Variants in PCDHA2 observed in about 807,000 individuals in gnomAD.
PCDHA2 encodes the protein protocadherin alpha-2.
PCDHA2 carries 58 observed loss-of-function variants against 66.0 expected under a neutral mutation model. That is an observed-to-expected ratio of 0.88 (90% CI 0.71 to 1.09). The LOEUF is 1.09. PCDHA2 is among the 50% of genes least tolerant of loss of function. PCDHA2 has a pLI of 0.00. For synonymous variants in PCDHA2, 634 were observed against 554.0 expected (o/e 1.14, Z -2.03); for missense variants, 1,267 against 1,242.3 (o/e 1.02, Z -0.30).
At position 140,850,017 on chromosome 5, in the gene PCDHA2, G is replaced by A. The variant is rs149779533; in HGVS notation, c.2388+52665G>A. On this transcript the variant is annotated intron_variant, in intron 1 of 3. Transcript: ENST00000526136. ...GGGCGAGCGCTCGCTGTCGAGCTAC[G>A]TGTCAGTGCACGCGGAGAGCGGCAA... is the stretch of plus-strand genomic sequence containing the variant. 9,030 of 1,596,972 alleles carry A rather than the reference G, an allele frequency of 5.7e-3. 796 individuals are homozygous for A. Among genetic ancestry groups the A allele is most frequent in the South Asian group, 0.03 (2,755 of 90,494 alleles).
At chr5:140,862,828 G>A in intron 1 of PCDHA2, 1 of 572,818 alleles carries the variant, frequency 1.7e-6, no homozygotes, top group Non-Finnish European at 3.3e-6. Context: ...GAGAGCGCGC[G>A]ACGCGGGCAT....
At position 140,982,568 on chromosome 5, in the gene PCDHA2, A is replaced by G. The variant is rs1158399397; in HGVS notation, c.2536+5A>G. 6.2e-7 allele frequency: 1 copy of G among 1,613,890 alleles called. No individual in the cohort carries two copies. The highest frequency in any genetic ancestry group is 8.5e-7 in the Non-Finnish European group (1 of 1,179,906). On this transcript the variant is annotated splice_donor_5th_base_variant and intron_variant, in intron 3 of 3. Coordinates refer to ENST00000526136, the MANE Select transcript of PCDHA2 (RefSeq NM_018905.3). ...CAGTATCCAGTGCAACACCAGGTAA[A>G]GAGCTGGGGTCTCTCCATTCTTTCT...
intron 1 of PCDHA2, chr5:140,884,142 G>A (rs782033390): frequency 5.6e-6 from 9 of 1,613,298 alleles, no homozygotes; most frequent in African/African-American, 1.3e-5. Flanking sequence ...TTCCGCGTGG[G>A]GCTGTACACT....
chr5:140,947,948 T>C (rs2094196051), intron 1 of PCDHA2, among the ~76,000 whole-genome samples: 1 of 151,586 alleles, frequency 6.6e-6, no homozygotes, highest in South Asian at 2.1e-4. Context: ...AAGTGTTCCA[T>C]ATTTTACAAT....
At chr5:140,928,475 G>A (rs369473809) in intron 1 of PCDHA2, 1 of 1,614,136 alleles carries the variant, frequency 6.2e-7, no homozygotes, top group African/African-American at 1.3e-5. Context: ...GTAGAAGGCC[G>A]GGATGGTGGC....
chr5:140,842,130 A>C (rs2150330073), intron 1 of PCDHA2: 1 of 1,613,892 alleles, frequency 6.2e-7, no homozygotes, highest in Non-Finnish European at 8.5e-7. Flanking sequence ...TCTGATCCGG[A>C]TGAAGGAGCC....
At chr5:140,841,979 C>A (rs1316425759) in intron 1 of PCDHA2, 1 of 1,613,850 alleles carries the variant, frequency 6.2e-7, no homozygotes, top group East Asian at 2.2e-5. Context: ...TGGGGGCAAA[C>A]CTGAGCTCAC....
At chr5:140,858,899 C>T (rs1236968449) in intron 1 of PCDHA2, 4 of 203,942 alleles carry the variant, frequency 2.0e-5, no homozygotes, top group Non-Finnish European at 3.0e-5. Flanking sequence ...ATATGTGTAG[C>T]GTACCACAGC....
chr5:141,008,329 T>C (rs2098370202), intron 3 of PCDHA2, among the ~76,000 whole-genome samples: 1 of 152,192 alleles, frequency 6.6e-6, no homozygotes, highest in Non-Finnish European at 1.5e-5. Context: ...AAACAGTTTA[T>C]TTGATGGAGC....
chr5:140,998,910 A>T (rs1346967203), intron 3 of PCDHA2, among the ~76,000 whole-genome samples: 1 of 152,230 alleles, frequency 6.6e-6, no homozygotes, highest in South Asian at 2.1e-4. Context: ...TCCGGGAGGT[A>T]GCTATTATAT....
chr5:140,978,457 C>G (rs1223652568), intron 1 of PCDHA2, among the ~76,000 whole-genome samples: 1 of 152,182 alleles, frequency 6.6e-6, no homozygotes, highest in Non-Finnish European at 1.5e-5. Context: ...GCACATCCGC[C>G]CTGGGTCAAA....
intron 1 of PCDHA2, chr5:140,882,902 C>T (rs1554176043): frequency 6.2e-7 from 1 of 1,614,196 alleles, no homozygotes; most frequent in Admixed American, 1.7e-5. Flanking sequence ...TAGTTTATTA[C>T]TGACAGCCAG....
chr5:140,893,467 A>G (rs2064001411), intron 1 of PCDHA2, among the ~76,000 whole-genome samples: 1 of 152,186 alleles, frequency 6.6e-6, no homozygotes, highest in Non-Finnish European at 1.5e-5. Context: ...AGCCTGGGCA[A>G]CATAGCAAGA....
chr5:140,901,175 T>C (rs2068484045), intron 1 of PCDHA2, among the ~76,000 whole-genome samples: 1 of 152,162 alleles, frequency 6.6e-6, no homozygotes, highest in African/African-American at 2.4e-5. Context: ...CTTCACTTTG[T>C]TGATTGTTTG....
chr5:140,880,385 A>T (rs191215782), intron 1 of PCDHA2, among the ~76,000 whole-genome samples: 86 of 152,346 alleles, frequency 5.6e-4, no homozygotes, highest in African/African-American at 2.1e-3. Context: ...ATAGAAAATA[A>T]TTTTTAAGAG....
intron 1 of PCDHA2, among the ~76,000 whole-genome samples, chr5:140,839,119 A>T (rs1433775897): frequency 1.3e-5 from 2 of 151,922 alleles, no homozygotes; most frequent in Non-Finnish European, 2.9e-5. Flanking sequence ...TTAAGCCATA[A>T]TATGTCATTC....
chr5:140,967,503 G>A (rs369053625), intron 1 of PCDHA2: 14 of 1,612,820 alleles, frequency 8.7e-6, no homozygotes, highest in African/African-American at 2.7e-5. Flanking sequence ...ATCTCTGTGC[G>A]TGTCCTGGAC....
rs555659207 is a variant in PCDHA2, at chr5:140,967,475, C to A, written c.2389-11474C>A. 2.5e-6 allele frequency: 4 copies of A among 1,613,342 alleles called. No homozygotes were observed. In the East Asian group the frequency reaches 8.9e-5, roughly 36 times the overall value. On this transcript the variant is annotated intron_variant, in intron 1 of 3. Coordinates refer to ENST00000526136, the MANE Select transcript of PCDHA2 (RefSeq NM_018905.3). ...AGCCGTGGATGGGGGCATCCCAGCC[C>A]GCTCGGGTACGGCACAGATCTCTGT...
chr5:140,797,541 C>T (rs1275136087), intron 1 of PCDHA2, 189 bp downstream of exon 1: 1 of 754,820 alleles, frequency 1.3e-6, no homozygotes, highest in Non-Finnish European at 2.1e-6. Context: ...ATCTACATAA[C>T]TGTTTTCTTA....
Sources: gnomAD v4.1 joint callset for allele counts (sites outside exome capture counted in the v4.1 genomes callset) on GRCh38, gnomAD v4.1.1 for gene constraint, MANE v1.5 for transcripts, NCBI Gene and HGNC (gene_info 2026-07-23, HGNC 2026-07-21) for gene names.